BAK1: variants seen among roughly 807,000 people sequenced by gnomAD.
The protein encoded by BAK1 is BCL2 antagonist/killer 1.
BAK1 carries 19 observed loss-of-function variants against 24.7 expected under a neutral mutation model. The ratio of observed to expected loss-of-function variants is 0.77; its 90% confidence interval spans 0.54 to 1.13. BAK1 has a LOEUF of 1.13. Among genes scored for constraint, BAK1 ranks in the 50% most tolerant of loss-of-function variants. The probability of loss-of-function intolerance (pLI) is 0.00; values close to 1 mark genes in which losing one functional copy is unlikely to be tolerated. For missense variants in BAK1, 194 were observed against 279.4 expected (o/e 0.69, Z 2.18); for synonymous variants, 86 against 107.3 (o/e 0.80, Z 1.23).
At position 33,575,722 on chromosome 6, in the gene BAK1, C is replaced by T. The variant is rs1386964940; in HGVS notation, c.206+71G>A. The stretch of plus-strand genomic sequence containing the variant: ...CCCGAGGCCTCCCCAGCTCCCAGGA[C>T]CTGCACAGAGACCCATGCGAGCTAC... On this transcript the variant is annotated intron_variant, in intron 3 of 5. Coordinates refer to ENST00000374467, the MANE Select transcript of BAK1 (RefSeq NM_001188.4). The surrounding 1 kb of genome is among the most constrained non-coding windows in gnomAD (Gnocchi z 6.3). 3.2e-6 allele frequency: 5 copies of T among 1,581,934 alleles called. No individual in the cohort carries two copies. In the East Asian group the frequency reaches 1.1e-4, roughly 36 times the overall value.
At position 33,573,097 on chromosome 6, in the gene BAK1, G is replaced by A. The variant is rs756795792; in HGVS notation, c.*706C>T. 2 of 153,150 alleles carry A rather than the reference G, an allele frequency of 1.3e-5. No homozygotes were observed. Among genetic ancestry groups the A allele is most frequent in the Non-Finnish European group, 2.9e-5 (2 of 68,264 alleles). The allele number at this position is 153,150 out of a possible 1,614,324, so 9.5% of individuals were successfully genotyped here. A position where few individuals can be genotyped will look rare whatever the true frequency, so the allele number is the denominator to read the frequency against. On this transcript the variant is annotated 3_prime_UTR_variant, in exon 6 of 6. Coordinates refer to ENST00000374467, the MANE Select transcript of BAK1 (RefSeq NM_001188.4). ...AGGACCTTGGGAGGCAGGCTTGGAGGCTTCTGACACGTGAGTTCAGACAGC... is the reference window on the plus strand; with the variant it reads ...AGGACCTTGGGAGGCAGGCTTGGAGACTTCTGACACGTGAGTTCAGACAGC...
At chr6:33,579,381 C>T (rs770336590) in intron 1 of BAK1, among the ~76,000 whole-genome samples, 7 of 152,026 alleles carry the variant, frequency 4.6e-5, no homozygotes, top group Non-Finnish European at 8.8e-5. Flanking sequence ...TTGCCTCCCA[C>T]CCCCCGTAGC....
Position 33,578,712 on chromosome 6 carries a change from T to C in BAK1, c.-31-1077A>G, listed in dbSNP as rs1762886379. 6.6e-6 allele frequency among the ~76,000 whole-genome samples: 1 copy of C among 152,136 alleles called. No individual in the cohort carries two copies. Among genetic ancestry groups the C allele is most frequent in the African/African-American group, 2.4e-5 (1 of 41,418 alleles). On this transcript the variant is annotated intron_variant, in intron 1 of 5. Transcript: ENST00000374467. The surrounding 1 kb of genome is among the most constrained non-coding windows in gnomAD (Gnocchi z 4.8). ...CGCAGCCCCAACCTGCTGTGACCCC[T>C]CATCAGGGCGAGTGTTTCCTGGATG...
intron 1 of BAK1, among the ~76,000 whole-genome samples, chr6:33,579,277 C>T (rs1201441454): frequency 3.3e-5 from 5 of 152,144 alleles, no homozygotes; most frequent in African/African-American, 9.7e-5. Context: ...ACCTTGGAGG[C>T]GGAGGTTGCG....
In BAK1 at chr6:33,577,466, C is replaced by G. The variant is rs1460808818; in HGVS notation, c.70+69G>C. 4 of 1,417,344 alleles carry G rather than the reference C, an allele frequency of 2.8e-6. No individual in the cohort carries two copies. Among genetic ancestry groups the G allele is most frequent in the Non-Finnish European group, 3.8e-6 (4 of 1,051,276 alleles). 87.8% of individuals were successfully genotyped at this position (1,417,344 alleles called of 1,614,324 possible). A position where few individuals can be genotyped will look rare whatever the true frequency, so the allele number is the denominator to read the frequency against. ...CCGAGGCGAAGGAGCCTGCCTGAGT[C>G]CTGCTCCTTCCATCCTCACGACAGC... On this transcript the variant is annotated intron_variant, in intron 2 of 5. Coordinates refer to ENST00000374467, the MANE Select transcript of BAK1 (RefSeq NM_001188.4). This position sits in a 1 kb window ranked among gnomAD's most constrained non-coding sequence, Gnocchi z 4.6.
At position 33,577,670 on chromosome 6, in the gene BAK1, G is replaced by A. The variant is rs888137033; in HGVS notation, c.-31-35C>T. On this transcript the variant is annotated intron_variant, in intron 1 of 5. Transcript: ENST00000374467. The surrounding 1 kb of genome is among the most constrained non-coding windows in gnomAD (Gnocchi z 4.6). ...AGGGCGAGAAAAAGCAGAGATGGGGGTGAGCACAGACCTGTGACTGGGGAC... is the reference window on the plus strand; with the variant it reads ...AGGGCGAGAAAAAGCAGAGATGGGGATGAGCACAGACCTGTGACTGGGGAC... 6.3e-6 allele frequency: 9 copies of A among 1,417,680 alleles called. No homozygotes were observed. The Admixed American group carries it at 1.0e-4, about 16-fold the overall frequency. The allele number at this position is 1,417,680 out of a possible 1,614,324, so 87.8% of individuals were successfully genotyped here.
At position 33,575,392 on chromosome 6, in the gene BAK1, T is replaced by C. The variant is rs1283682592; in HGVS notation, c.256A>G (p.Asn86Asp). The change falls in exon 4 of 6, where the codon AAC becomes GAC. Residue 86 changes from asparagine (N) to aspartate (D), a missense_variant. Transcript: ENST00000374467. The surrounding 1 kb of genome is among the most constrained non-coding windows in gnomAD (Gnocchi z 6.3). ...RQLAIIGDDI[N>D]RRYDSEFQTM... The stretch of plus-strand genomic sequence containing the variant: ...TGGAACTCTGAGTCATAGCGTCGGT[T>C]GATGTCGTCCCCGATGATGGCGAGC... 14 of 1,614,164 alleles carry C rather than the reference T, an allele frequency of 8.7e-6. No homozygotes were observed. The highest frequency in any genetic ancestry group is 1.1e-5 in the Non-Finnish European group (13 of 1,180,026).
At position 33,577,888 on chromosome 6, in the gene BAK1, C is replaced by T. The variant is rs986355547; in HGVS notation, c.-31-253G>A. On this transcript the variant is annotated intron_variant, in intron 1 of 5. Coordinates refer to ENST00000374467, the MANE Select transcript of BAK1 (RefSeq NM_001188.4). This position sits in a 1 kb window ranked among gnomAD's most constrained non-coding sequence, Gnocchi z 4.6. ...CCTCTGGGACTTTTTATTCTTACTC[C>T]AGCATGGGTCCCAGTGAAGTCTGCT... 6.6e-6 allele frequency among the ~76,000 whole-genome samples: 1 copy of T among 152,220 alleles called. No individual in the cohort carries two copies. The highest frequency in any genetic ancestry group is 2.4e-5 in the African/African-American group (1 of 41,444).
In BAK1 at chr6:33,575,190, G is replaced by A. The variant is rs1291773555; in HGVS notation, c.350+108C>T. The A allele has an allele frequency of 3.9e-6, 6 of 1,532,780 alleles. No individual in the cohort carries two copies. Among genetic ancestry groups the A allele is most frequent in the Non-Finnish European group, 5.4e-6 (6 of 1,108,750 alleles). The allele number at this position is 1,532,780 out of a possible 1,614,324, so 94.9% of individuals were successfully genotyped here. A position where few individuals can be genotyped will look rare whatever the true frequency, so the allele number is the denominator to read the frequency against. On this transcript the variant is annotated intron_variant, in intron 4 of 5. Coordinates refer to ENST00000374467, the MANE Select transcript of BAK1 (RefSeq NM_001188.4). This position sits in a 1 kb window ranked among gnomAD's most constrained non-coding sequence, Gnocchi z 6.3. ...GAGTTCACAGCAGACATTGGACACT[G>A]ACAGAAGGCTTCTCCCCATGCCAGG...
rs775679105 is a variant in BAK1, at chr6:33,574,088, G to C, written c.477C>G (p.Val159=). Residue 159 remains valine (V), a synonymous_variant, in exon 5 of 6, where the codon GTC becomes GTG. Transcript: ENST00000374467. The part of the protein sequence containing the change: ...GFLGQVTRFV[V]DFMLHHCIAR... The stretch of plus-strand genomic sequence containing the variant: ...CAATGCAGTGATGCAGCATGAAGTC[G>C]ACCACGAAGCGGGTCACCTGGCCTA... The C allele has an allele frequency of 1.2e-6, 2 of 1,614,078 alleles. No homozygotes were observed. Among genetic ancestry groups the C allele is most frequent in the African/African-American group, 2.7e-5 (2 of 74,930 alleles).
intron 4 of BAK1, chr6:33,574,434 T>C (rs1762809898): frequency 1.3e-6 from 2 of 1,499,988 alleles, no homozygotes; most frequent in Non-Finnish European, 1.8e-6. Flanking sequence ...TGCTGGGGTG[T>C]ACGCTCAGGT....
In BAK1 at chr6:33,577,430, C is replaced by T. The variant is rs1414252737; in HGVS notation, c.70+105G>A. Reference sequence around the variant, plus strand: ...GGTGGGGAAGAGTATTCCCCACCCACAGTGGGTGAACCGAGGCGAAGGAGC... The same window carrying T: ...GGTGGGGAAGAGTATTCCCCACCCATAGTGGGTGAACCGAGGCGAAGGAGC... On this transcript the variant is annotated intron_variant, in intron 2 of 5. Coordinates refer to ENST00000374467, the MANE Select transcript of BAK1 (RefSeq NM_001188.4). This position sits in a 1 kb window ranked among gnomAD's most constrained non-coding sequence, Gnocchi z 4.6. 9.7e-6 allele frequency: 11 copies of T among 1,137,494 alleles called. No homozygotes were observed. Among genetic ancestry groups the T allele is most frequent in the Non-Finnish European group, 1.3e-5 (11 of 824,776 alleles). The allele number at this position is 1,137,494 out of a possible 1,614,324, so 70.5% of individuals were successfully genotyped here.
At position 33,574,087 on chromosome 6, in the gene BAK1, C is replaced by T. The variant is rs1417013867; in HGVS notation, c.478G>A (p.Asp160Asn). 6.8e-6 allele frequency: 11 copies of T among 1,614,110 alleles called. No homozygotes were observed. The highest frequency in any genetic ancestry group is 8.5e-6 in the Non-Finnish European group (10 of 1,180,050). Residue 160 changes from aspartate (D) to asparagine (N), a missense_variant, in exon 5 of 6, where the codon GAC (aspartate) becomes AAC (asparagine). Asp to Asn is a conservative substitution (Grantham distance 23). Transcript: ENST00000374467. Reference sequence around the variant, plus strand: ...GCAATGCAGTGATGCAGCATGAAGTCGACCACGAAGCGGGTCACCTGGCCT... The same window carrying T: ...GCAATGCAGTGATGCAGCATGAAGTTGACCACGAAGCGGGTCACCTGGCCT... ...FLGQVTRFVV[D>N]FMLHHCIARW...
rs141617072 is a variant in BAK1 at position 33,579,542 on chromosome 6, C to T, written c.-32+483G>A. Among the ~76,000 whole-genome samples the T allele has an allele frequency of 2.6e-5, 4 of 152,274 alleles. No homozygotes were observed. The East Asian group carries it at 7.7e-4, about 29-fold the overall frequency. ...AGCAGGTAGAGCCTCAGAACACCCA[C>T]CAAGGCCAGCAACCTATGCTGACTC... On this transcript the variant is annotated intron_variant, in intron 1 of 5. Transcript: ENST00000374467.
chr6:33,574,995 C>A (rs575750489), intron 4 of BAK1, among the ~76,000 whole-genome samples: 1 of 152,344 alleles, frequency 6.6e-6, no homozygotes, highest in East Asian at 1.9e-4. Context: ...ACAGCTATGT[C>A]CCAGCTGGGC....
intron 1 of BAK1, among the ~76,000 whole-genome samples, chr6:33,579,675 A>C (rs1310450511): frequency 3.9e-5 from 6 of 152,184 alleles, no homozygotes; most frequent in Admixed American, 6.5e-5. Flanking sequence ...CCAGGGATAC[A>C]TGCCTGGCCA....
rs1392298901 is a variant in BAK1 at position 33,574,064 on chromosome 6, A to G, written c.501T>C (p.Ile167=). 1.2e-6 allele frequency: 2 copies of G among 1,614,206 alleles called. No individual in the cohort carries two copies. Among genetic ancestry groups the G allele is most frequent in the Non-Finnish European group, 1.7e-6 (2 of 1,180,028 alleles). ...CACCCCTCTGTGCAATCCACCGGGCAATGCAGTGATGCAGCATGAAGTCGA... is the reference window on the plus strand; with the variant it reads ...CACCCCTCTGTGCAATCCACCGGGCGATGCAGTGATGCAGCATGAAGTCGA... ...FVVDFMLHHC[I]ARWIAQRGGW... is the part of the protein sequence containing the mutation. Residue 167 remains isoleucine, a synonymous_variant, in exon 5 of 6, where the codon ATT becomes ATC. Transcript: ENST00000374467.
At position 33,578,794 on chromosome 6, in the gene BAK1, C is replaced by T. The variant is rs927361848; in HGVS notation, c.-31-1159G>A. On this transcript the variant is annotated intron_variant, in intron 1 of 5. Coordinates refer to ENST00000374467, the MANE Select transcript of BAK1 (RefSeq NM_001188.4). This position sits in a 1 kb window ranked among gnomAD's most constrained non-coding sequence, Gnocchi z 4.8. ...CCAGAGCCCCATTTCCCCAGGCAGC[C>T]TCCAGCCCTCAGAAGGAGAGCGCCC... is the stretch of plus-strand genomic sequence containing the variant. Among the ~76,000 whole-genome samples the T allele has an allele frequency of 6.6e-5, 10 of 152,190 alleles. No individual in the cohort carries two copies. Among genetic ancestry groups the T allele is most frequent in the African/African-American group, 1.9e-4 (8 of 41,450 alleles).
At position 33,572,741 on chromosome 6, in the gene BAK1, G is replaced by C. The variant is rs1762784067; in HGVS notation, c.*1062C>G. The C allele has an allele frequency of 6.6e-6, 1 of 152,248 alleles. No homozygotes were observed. Among genetic ancestry groups the C allele is most frequent in the Non-Finnish European group, 1.5e-5 (1 of 67,938 alleles). The allele number at this position is 152,248 out of a possible 1,614,324, so 9.4% of individuals were successfully genotyped here. A position where few individuals can be genotyped will look rare whatever the true frequency, so the allele number is the denominator to read the frequency against. The stretch of plus-strand genomic sequence containing the variant: ...CTGAGGAGACCTAGACAGGTGAGGA[G>C]CATGGAGGGTGGGGGAACAGAGTTC... On this transcript the variant is annotated 3_prime_UTR_variant, in exon 6 of 6. Transcript: ENST00000374467.
Sources: allele counts gnomAD v4.1 joint callset (sites outside exome capture counted in the v4.1 genomes callset), GRCh38; gene constraint gnomAD v4.1.1; non-coding constraint Gnocchi (gnomAD v3.1); transcripts MANE v1.5; gene names NCBI Gene and HGNC (gene_info 2026-07-23, HGNC 2026-07-21).